Variants in UVSSA observed in about 807,000 individuals in gnomAD.
UVSSA encodes UV-stimulated scaffold protein A.
In UVSSA, 72 loss-of-function variants were observed where a neutral mutation model predicts 73.9. The observed-to-expected ratio is 0.97, with a 90% CI of 0.81 to 1.19. The LOEUF (loss-of-function observed/expected upper bound fraction) is 1.19. UVSSA is among the 50% of genes most tolerant of loss of function. The pLI, the probability that UVSSA is intolerant of heterozygous loss-of-function variation, is 0.00. For synonymous variants in UVSSA, 454 were observed against 391.3 expected, an observed-to-expected ratio of 1.16 and a Z score of -1.89; for missense variants, 1,150 against 965.0, an observed-to-expected ratio of 1.19 and a Z score of -2.54.
At chr4:1,352,959 G>A in intron 4 of UVSSA, 71 bp from the exon 5 acceptor site, 1 of 1,540,478 alleles carries the variant, frequency 6.5e-7, no homozygotes, top group Non-Finnish European at 8.8e-7. Context: ...GGGCCTCTGA[G>A]TGTGGTTTTG....
rs756689881 is a variant in UVSSA, at chr4:1,383,898, C to T, written c.1994C>T (p.Ala665Val). ...YPSLTNLKAQ[A>V]DTARARIGRK... is the part of the protein sequence containing the mutation. Reference sequence around the variant, plus strand: ...AGCCTCACCAACCTGAAGGCTCAGGCTGATACCGCCCGCGCTCGCATTGGG... The same window carrying T: ...AGCCTCACCAACCTGAAGGCTCAGGTTGATACCGCCCGCGCTCGCATTGGG... Residue 665 changes from alanine to valine, a missense_variant, in exon 13 of 14, where the codon GCT (alanine) becomes GTT (valine). Ala to Val is a moderately conservative substitution (Grantham distance 64). Transcript: ENST00000389851. 32 of 1,613,286 alleles carry T rather than the reference C, an allele frequency of 2.0e-5. No individual in the cohort carries two copies. The African/African-American group carries it at 3.7e-4, about 19-fold the overall frequency.
Position 1,380,247 on chromosome 4 carries a change from AGGGCGG to A in UVSSA, c.1752+21_1752+26del, listed in dbSNP as rs1719317718. 6 of 1,598,976 alleles carry A rather than the reference AGGGCGG, an allele frequency of 3.8e-6. No homozygotes were observed. The highest frequency in any genetic ancestry group is 3.4e-6 in the Non-Finnish European group (4 of 1,171,460). ...CGGCTGAAGGTGAGGCCGTGGCCCG[AGGGCGG>A]GGGTGGGTGTGGGCTGGACCAGGTG... On this transcript the variant is annotated intron_variant, in intron 11 of 13. Coordinates refer to ENST00000389851, the MANE Select transcript of UVSSA (RefSeq NM_020894.4).
chr4:1,384,096 G>C (rs910472034), intron 13 of UVSSA, 156 bp downstream of exon 13: 2 of 948,322 alleles, frequency 2.1e-6, no homozygotes, highest in Non-Finnish European at 3.0e-6. Flanking sequence ...GCCTTTCCCC[G>C]GGGAGGGGCA....
At chr4:1,352,026 G>T (rs567717772) in intron 4 of UVSSA, among the ~76,000 whole-genome samples, 191 bp downstream of exon 4, 1 of 152,238 alleles carries the variant, frequency 6.6e-6, no homozygotes, top group African/African-American at 2.4e-5. Context: ...TGCCTCTCCC[G>T]CGCCCTCTGG....
chr4:1,377,029 C>T (rs928531132), intron 10 of UVSSA, among the ~76,000 whole-genome samples: 1 of 152,244 alleles, frequency 6.6e-6, no homozygotes. Flanking sequence ...GCCGGGCTGC[C>T]TGTGCAAACA....
chr4:1,383,663 G>GC (rs1342955475), intron 12 of UVSSA, 103 bp from the exon 13 acceptor site: 9 of 1,458,426 alleles, frequency 6.2e-6, no homozygotes, highest in South Asian at 1.2e-5. Flanking sequence ...AGGCGACCCA[G>GC]CCCCCCTGTC....
At chr4:1,347,081 G>A (rs1713790070), upstream of UVSSA, among the ~76,000 whole-genome samples, 1 of 152,156 alleles carries the variant, frequency 6.6e-6, no homozygotes, top group Non-Finnish European at 1.5e-5. Flanking sequence ...GCCGCGTCGA[G>A]CGGTAGGTGC....
chr4:1,394,684 G>A (rs13129432), exon 14 of UVSSA: 131 of 1,586,144 alleles, frequency 8.3e-5, no homozygotes, highest in Middle Eastern at 5.1e-4. Flanking sequence ...CTGCTCACAC[G>A]TGCCCATGTG....
At chr4:1,372,297 G>A (rs747987879) in intron 8 of UVSSA, among the ~76,000 whole-genome samples, 5 of 152,086 alleles carry the variant, frequency 3.3e-5, no homozygotes, top group Non-Finnish European at 5.9e-5. Context: ...CGGTTGTTAC[G>A]AAGTCTTCAA....
rs987663171 is a variant in UVSSA, at chr4:1,357,139, C to T, written c.1176+1894C>T. On this transcript the variant is annotated intron_variant, in intron 7 of 13. Transcript: ENST00000389851. ...TGGTCTGGTCTCATCAGGCCTGGGC[C>T]CCTCCAGCTGGTTATTGGTGAGGGT... is the stretch of plus-strand genomic sequence containing the variant. 28 of 143,650 alleles carry T rather than the reference C, an allele frequency of 1.9e-4. No homozygotes were observed. The South Asian group carries it at 2.2e-3, about 11-fold the overall frequency. 8.9% of individuals were successfully genotyped at this position (143,650 alleles called of 1,614,324 possible). A position where few individuals can be genotyped will look rare whatever the true frequency, so the allele number is the denominator to read the frequency against.
chr4:1,376,391 G>A (rs1718774743), intron 10 of UVSSA, among the ~76,000 whole-genome samples: 1 of 152,180 alleles, frequency 6.6e-6, no homozygotes, highest in Admixed American at 6.5e-5. Context: ...CTGCTGCTGT[G>A]TCGGGGGCCA....
intron 10 of UVSSA, among the ~76,000 whole-genome samples, chr4:1,377,390 G>A (rs543369184): frequency 2.0e-4 from 31 of 152,272 alleles, no homozygotes; most frequent in African/African-American, 6.5e-4. Flanking sequence ...TGAGGGCCCC[G>A]TCCTCAGGGC....
chr4:1,376,538 C>T (rs1012570582), intron 10 of UVSSA, among the ~76,000 whole-genome samples: 10 of 152,160 alleles, frequency 6.6e-5, no homozygotes, highest in African/African-American at 1.2e-4. Context: ...GCTTCCTGAC[C>T]GTGTTGCAGC....
intron 9 of UVSSA, 110 bp from the exon 10 acceptor site, chr4:1,375,924 A>G (rs1718707819): frequency 2.7e-6 from 4 of 1,489,392 alleles, no homozygotes; most frequent in Non-Finnish European, 3.6e-6. Context: ...GCCATTGCTC[A>G]CCTGATCCGA....
At chr4:1,383,186 G>A (rs912159499) in intron 12 of UVSSA, among the ~76,000 whole-genome samples, 2 of 152,240 alleles carry the variant, frequency 1.3e-5, no homozygotes, top group East Asian at 1.9e-4. Context: ...GGGCAGTTCT[G>A]TCTAGGAGAG....
exon 14 of UVSSA, chr4:1,393,594 A>ATAGG (rs1228078497): frequency 6.6e-6 from 1 of 152,006 alleles, no homozygotes; most frequent in African/African-American, 2.4e-5. Context: ...AGATAGATAG[A>ATAGG]TAGATAGATA....
chr4:1,351,688 C>T (rs752840848), intron 3 of UVSSA, 27 bp from the exon 4 acceptor site: 5 of 1,610,498 alleles, frequency 3.1e-6, no homozygotes, highest in Middle Eastern at 1.7e-4. Context: ...CGCGCCTGTC[C>T]CCTAGTCTTT....
intron 8 of UVSSA, among the ~76,000 whole-genome samples, chr4:1,373,400 A>G (rs889456618): frequency 2.6e-5 from 4 of 152,194 alleles, no homozygotes; most frequent in Non-Finnish European, 5.9e-5. Context: ...GCAGCTGACT[A>G]GATGGTGCCC....
At position 1,385,965 on chromosome 4, in the gene UVSSA, G is replaced by T; in HGVS notation, c.*4G>T. ...GTTTAACTACGCACTGAACTAGAGA[G>T]CGGGGCCCAGTGCACTGGCCATCAG... On this transcript the variant is annotated 3_prime_UTR_variant, in exon 14 of 14. Coordinates refer to ENST00000389851, the MANE Select transcript of UVSSA (RefSeq NM_020894.4). The T allele has an allele frequency of 3.1e-6, 5 of 1,613,926 alleles. No homozygotes were observed. The highest frequency in any genetic ancestry group is 4.2e-6 in the Non-Finnish European group (5 of 1,180,004).
Sources: gnomAD v4.1 joint callset for allele counts (sites outside exome capture counted in the v4.1 genomes callset) on GRCh38, gnomAD v4.1.1 for gene constraint, MANE v1.5 for transcripts, NCBI Gene and HGNC (gene_info 2026-07-23, HGNC 2026-07-21) for gene names.